The following PCDH15 variants were observed in gnomAD, a reference collection of about 807,000 sequenced individuals.
PCDH15 encodes the protein protocadherin related 15.
Under a neutral mutation model 178.5 loss-of-function variants are expected in PCDH15, and 129 were observed. The ratio of observed to expected loss-of-function variants is 0.72; its 90% CI spans 0.63 to 0.84. The LOEUF is 0.84. Among genes scored for constraint, PCDH15 ranks in the 40% least tolerant of loss-of-function variants. PCDH15 has a pLI of 0.00. For missense variants in PCDH15, 2,230 were observed against 2,099.9 expected, an observed-to-expected ratio of 1.06 and a Z score of -1.21; for synonymous variants, 800 against 732.0, an observed-to-expected ratio of 1.09 and a Z score of -1.50.
chr10:54,334,160 A>G (rs1160617), intron 6 of PCDH15, among the ~76,000 whole-genome samples: 34,889 of 152,110 alleles, frequency 0.23, 4,189 homozygotes, highest in African/African-American at 0.29. Context: ...GGCCTCCATT[A>G]AGAAAGGTCC....
chr10:54,105,351 CACACAT>C lies in PCDH15; in HGVS notation c.1918-15294_1918-15289del, dbSNP rs202079285. Among the ~76,000 whole-genome samples the C allele has an allele frequency of 7.4e-4, 110 of 148,106 alleles. 1 individual carries two copies. The East Asian group carries it at 0.019, about 26-fold the overall frequency. The stretch of plus-strand genomic sequence containing the variant: ...ACATACATATATATACACACACACA[CACACAT>C]ACACAAAACTAATAGGATATATTTA... On this transcript the variant is annotated intron_variant, in intron 15 of 37. Transcript: ENST00000644397.
intron 18 of PCDH15, among the ~76,000 whole-genome samples, chr10:54,048,049 TC>T (rs1308448409): frequency 6.6e-6 from 1 of 152,154 alleles, no homozygotes; most frequent in Admixed American, 6.5e-5. Context: ...TTCCCTTTTT[TC>T]CACACCTTTG....
chr10:54,656,077 C>G (rs887222775), intron 2 of PCDH15: 1 of 152,078 alleles, frequency 6.6e-6, no homozygotes, highest in Non-Finnish European at 1.5e-5. Context: ...ACTATTAAAA[C>G]TTGAATTTAA....
At chr10:55,203,868 A>G (rs902776466) in intron 1 of PCDH15, among the ~76,000 whole-genome samples, 2 of 151,880 alleles carry the variant, frequency 1.3e-5, no homozygotes, top group Admixed American at 6.6e-5. Flanking sequence ...TCTCCTTTCT[A>G]AAGTGCTGTG....
intron 2 of PCDH15, among the ~76,000 whole-genome samples, chr10:54,949,127 A>C (rs1838267691): frequency 6.6e-6 from 1 of 151,904 alleles, no homozygotes; most frequent in Non-Finnish European, 1.5e-5. Context: ...AAAATGCATA[A>C]ATTTTCCCCT....
chr10:54,554,665 C>T (rs2086975311), intron 2 of PCDH15, among the ~76,000 whole-genome samples: 1 of 152,118 alleles, frequency 6.6e-6, no homozygotes, highest in Non-Finnish European at 1.5e-5. Context: ...ACAGGACCTC[C>T]AACACCTTTA....
intron 26 of PCDH15, among the ~76,000 whole-genome samples, chr10:53,882,283 AC>A (rs1322909875): frequency 1.2e-5 from 1 of 82,302 alleles, no homozygotes; most frequent in Non-Finnish European, 2.7e-5. Flanking sequence ...CATCCACATC[AC>A]CTTTTTTGTT....
chr10:54,784,797 C>A (rs1693019241), intron 1 of PCDH15, among the ~76,000 whole-genome samples: 1 of 151,926 alleles, frequency 6.6e-6, no homozygotes, highest in Admixed American at 6.6e-5. Flanking sequence ...TATATTACTG[C>A]TTTTTGTTTT....
intron 2 of PCDH15, among the ~76,000 whole-genome samples, chr10:54,626,318 A>T (rs1445030677): frequency 6.6e-6 from 1 of 152,182 alleles, no homozygotes; most frequent in Non-Finnish European, 1.5e-5. Flanking sequence ...AAATGTCTCC[A>T]GGGCCTGTCA....
intron 2 of PCDH15, among the ~76,000 whole-genome samples, chr10:54,609,075 G>A (rs1013167619): frequency 5.9e-5 from 9 of 151,958 alleles, no homozygotes; most frequent in East Asian, 1.9e-4. Context: ...GAAACAAAAC[G>A]TTGACTGCAA....
Position 54,198,712 on chromosome 10 carries a change from G to A in PCDH15, c.1099-2823C>T, listed in dbSNP as rs537698972. ...GAGACGGGGTTTCACCGTTTTAGCC[G>A]GGATGGTCTCGATCTCCTGACCTCG... On this transcript the variant is annotated intron_variant, in intron 10 of 37. Transcript: ENST00000644397. 9.7e-3 allele frequency among the ~76,000 whole-genome samples: 927 copies of A among 95,410 alleles called. 90 individuals carry two copies. The highest frequency in any genetic ancestry group is 0.021 in the Middle Eastern group (4 of 192). 62.6% of individuals were successfully genotyped at this position (95,410 alleles called of 152,430 possible). A position where few individuals can be genotyped will look rare whatever the true frequency, so the allele number is the denominator to read the frequency against.
intron 2 of PCDH15, among the ~76,000 whole-genome samples, chr10:55,105,917 T>A (rs928684069): frequency 6.6e-6 from 1 of 152,158 alleles, no homozygotes. Context: ...AATGACTACA[T>A]GGAATGAGTA....
At chr10:54,170,199 A>AT (rs1280142177) in intron 13 of PCDH15, among the ~76,000 whole-genome samples, 1 of 150,550 alleles carries the variant, frequency 6.6e-6, no homozygotes, top group African/African-American at 2.5e-5. Flanking sequence ...CATAATTCTC[A>AT]TAAAAACACA....
intron 5 of PCDH15, among the ~76,000 whole-genome samples, chr10:54,348,589 T>C (rs956339289): frequency 4.6e-5 from 7 of 150,872 alleles, no homozygotes; most frequent in African/African-American, 1.7e-4. Context: ...AATCAACATA[T>C]AGAATTTTGT....
At chr10:54,418,676 T>C (rs1462667962) in intron 3 of PCDH15, among the ~76,000 whole-genome samples, 5 of 151,936 alleles carry the variant, frequency 3.3e-5, no homozygotes, top group Admixed American at 6.6e-5. Flanking sequence ...TAATAGCTAA[T>C]ACATATATTA....
intron 8 of PCDH15, among the ~76,000 whole-genome samples, chr10:54,239,432 T>TATATATAGAGAGAGAGAGAG (rs1554853331): frequency 1.6e-3 from 247 of 150,638 alleles, no homozygotes; most frequent in African/African-American, 5.7e-3. Context: ...TATATATATA[T>TATATATAGAGAGAGAGAGAG]AGAGTAAGAA....
chr10:54,252,426 G>T (rs1364216883), intron 8 of PCDH15, among the ~76,000 whole-genome samples: 1 of 152,148 alleles, frequency 6.6e-6, no homozygotes, highest in Non-Finnish European at 1.5e-5. Flanking sequence ...TTGATACTTC[G>T]AGGCAAAGCC....
chr10:55,293,415 C>A (rs1203781926), intron 1 of PCDH15, among the ~76,000 whole-genome samples: 1 of 152,188 alleles, frequency 6.6e-6, no homozygotes, highest in African/African-American at 2.4e-5. Context: ...CATTCAACTC[C>A]GTCTTACTTA....
At chr10:54,310,779 C>T (rs9416304) in intron 8 of PCDH15, among the ~76,000 whole-genome samples, 2 of 151,664 alleles carry the variant, frequency 1.3e-5, no homozygotes, top group Non-Finnish European at 2.9e-5. Flanking sequence ...AAGAGAGAAG[C>T]CTTGGAACTC....
Sources: gnomAD v4.1 joint callset for allele counts (sites outside exome capture counted in the v4.1 genomes callset) on GRCh38, gnomAD v4.1.1 for gene constraint, MANE v1.5 for transcripts, NCBI Gene and HGNC (gene_info 2026-07-23, HGNC 2026-07-21) for gene names.